The following INVS variants were observed in gnomAD, a reference collection of about 807,000 sequenced individuals.
INVS encodes inversin, also known as inversion of embryo turning homolog.
A neutral mutation model predicts 108.8 loss-of-function variants in INVS; 86 were observed. That is an observed-to-expected ratio of 0.79 (90% confidence interval 0.66 to 0.95). The LOEUF is 0.95. INVS is among the 40% of genes least tolerant of loss of function. INVS has a pLI of 0.00. For synonymous variants in INVS, 455 were observed against 473.5 expected (o/e 0.96, Z 0.51); for missense variants, 1,169 against 1,297.4 (o/e 0.90, Z 1.52).
In INVS at chr9:100,100,572, A is replaced by ATATATATAATATATATAATATATG. The variant is rs1587992872; in HGVS notation, c.-25+1159_-25+1182dup. Among the ~76,000 whole-genome samples, 19 of 108,124 alleles carry ATATATATAATATATATAATATATG rather than the reference A, an allele frequency of 1.8e-4. 4 individuals carry two copies. The highest frequency in any genetic ancestry group is 7.3e-4 in the South Asian group (3 of 4,132). The allele number at this position is 108,124 out of a possible 152,430, so 70.9% of individuals were successfully genotyped here. A position where few individuals can be genotyped will look rare whatever the true frequency, so the allele number is the denominator to read the frequency against. ...CTAAGAATTATGAAGTAAAAAGTATATATATATAATATATATAATATATGT... is the reference window on the plus strand; with the variant it reads ...CTAAGAATTATGAAGTAAAAAGTATATATATATAATATATATAATATATGTATATATAATATATATAATATATGT... On this transcript the variant is annotated intron_variant, in intron 1 of 16. Coordinates refer to ENST00000262457, the MANE Select transcript of INVS (RefSeq NM_014425.5).
chr9:100,175,627 A>G (rs914152605), intron 3 of INVS: 48 of 673,014 alleles, frequency 7.1e-5, no homozygotes, highest in Admixed American at 1.2e-4. Flanking sequence ...AAGAATAGCA[A>G]TGGTGTGACT....
At chr9:100,198,804 G>A (rs553180199) in intron 3 of INVS, among the ~76,000 whole-genome samples, 3 of 151,740 alleles carry the variant, frequency 2.0e-5, no homozygotes, top group African/African-American at 7.3e-5. Flanking sequence ...TGTTGGCCAG[G>A]ATGGTCTCAA....
intron 6 of INVS, 152 bp downstream of exon 6, chr9:100,240,392 A>G: frequency 2.1e-6 from 1 of 466,008 alleles, no homozygotes; most frequent in Non-Finnish European, 3.7e-6. Flanking sequence ...AATTATAGTA[A>G]TATAAATTTA....
chr9:100,277,523 T>C (rs1833149528), intron 12 of INVS, among the ~76,000 whole-genome samples: 1 of 152,238 alleles, frequency 6.6e-6, no homozygotes, highest in African/African-American at 2.4e-5. Context: ...CATGGGTACC[T>C]GAAATTGTAC....
intron 11 of INVS, among the ~76,000 whole-genome samples, chr9:100,268,185 A>G (rs1832849781): frequency 6.6e-6 from 1 of 152,164 alleles, no homozygotes; most frequent in Admixed American, 6.5e-5. Flanking sequence ...AAAGTAAGAG[A>G]GGAACGTATC....
chr9:100,175,661 C>T (rs1829688442), intron 3 of INVS: 14 of 647,160 alleles, frequency 2.2e-5, no homozygotes, highest in African/African-American at 1.8e-5. Context: ...CACCTACCTA[C>T]CCCAGCCTCT....
At chr9:100,238,323 G>A (rs73491461) in intron 5 of INVS, among the ~76,000 whole-genome samples, 26,098 of 152,038 alleles carry the variant, frequency 0.17, 3,340 homozygotes, top group African/African-American at 0.37. Context: ...CTCTTAAGGA[G>A]TCTGTTATTG....
chr9:100,228,243 G>T (rs192459029), intron 4 of INVS, among the ~76,000 whole-genome samples: 1 of 151,946 alleles, frequency 6.6e-6, no homozygotes, highest in Non-Finnish European at 1.5e-5. Flanking sequence ...CACCCGCCTC[G>T]ATCTCCCAAA....
intron 3 of INVS, among the ~76,000 whole-genome samples, chr9:100,134,421 T>C (rs1348243541): frequency 6.6e-6 from 1 of 152,202 alleles, no homozygotes; most frequent in Non-Finnish European, 1.5e-5. Context: ...GCAAGTATCT[T>C]TTTCGTATGA....
At chr9:100,198,524 C>T (rs768470002) in intron 3 of INVS, among the ~76,000 whole-genome samples, 36 of 151,228 alleles carry the variant, frequency 2.4e-4, no homozygotes, top group Admixed American at 9.9e-4. Context: ...CTCCTGACTT[C>T]AGGTGATCCG....
chr9:100,259,494 C>G (rs991800448), intron 10 of INVS, among the ~76,000 whole-genome samples: 4 of 151,616 alleles, frequency 2.6e-5, no homozygotes, highest in Admixed American at 6.6e-5. Flanking sequence ...CCGTCTTCTT[C>G]ATCACTCATG....
intron 3 of INVS, among the ~76,000 whole-genome samples, chr9:100,183,402 A>G (rs1829955232): frequency 6.6e-6 from 1 of 152,246 alleles, no homozygotes; most frequent in Admixed American, 6.5e-5. Flanking sequence ...AAAACTGTCA[A>G]TCTAGAATTC....
chr9:100,099,616 G>A (rs1360742719), intron 1 of INVS, among the ~76,000 whole-genome samples, 200 bp downstream of exon 1: 2 of 152,208 alleles, frequency 1.3e-5, no homozygotes, highest in African/African-American at 4.8e-5. Context: ...TCAGTTGAAT[G>A]AGTCAATGAC....
intron 2 of INVS, among the ~76,000 whole-genome samples, chr9:100,112,782 T>C (rs1827382054): frequency 6.6e-6 from 1 of 152,230 alleles, no homozygotes; most frequent in East Asian, 1.9e-4. Context: ...AGGCCACAGG[T>C]TGGATAAGCT....
chr9:100,178,642 GA>G (rs1829788255), intron 3 of INVS, among the ~76,000 whole-genome samples: 1 of 152,216 alleles, frequency 6.6e-6, no homozygotes, highest in Non-Finnish European at 1.5e-5. Flanking sequence ...AGGACTATGT[GA>G]AAAGACCAAA....
intron 3 of INVS, among the ~76,000 whole-genome samples, chr9:100,210,218 T>C (rs1830794469): frequency 6.6e-6 from 1 of 152,074 alleles, no homozygotes; most frequent in Non-Finnish European, 1.5e-5. Context: ...TCTATTACGG[T>C]CAAAGGGAGG....
chr9:100,293,768 C>G (rs1040158559), intron 14 of INVS, among the ~76,000 whole-genome samples: 7 of 152,148 alleles, frequency 4.6e-5, no homozygotes, highest in Admixed American at 2.6e-4. Flanking sequence ...CAAATGTTCA[C>G]GTCTCATAAT....
chr9:100,151,036 G>T (rs1828793200), intron 3 of INVS, among the ~76,000 whole-genome samples: 1 of 152,146 alleles, frequency 6.6e-6, no homozygotes, highest in Non-Finnish European at 1.5e-5. Flanking sequence ...ATAGTATTCA[G>T]TGAGATGGTG....
At chr9:100,282,478 G>C (rs575429223) in intron 12 of INVS, among the ~76,000 whole-genome samples, 1 of 152,302 alleles carries the variant, frequency 6.6e-6, no homozygotes, top group South Asian at 2.1e-4. Context: ...CTCCATACAG[G>C]AAGAAAGAGT....
Sources: gnomAD v4.1 joint callset for allele counts (sites outside exome capture counted in the v4.1 genomes callset) on GRCh38, gnomAD v4.1.1 for gene constraint, MANE v1.5 for transcripts, NCBI Gene and HGNC (gene_info 2026-07-23, HGNC 2026-07-21) for gene names.